Variants in ACLY observed in about 807,000 individuals in gnomAD.
ACLY encodes the protein ATP citrate lyase.
Under a neutral mutation model 133.0 loss-of-function variants are expected in ACLY, and 41 were observed. The ratio of observed to expected loss-of-function variants is 0.31; its 90% CI spans 0.24 to 0.40. The LOEUF is 0.40. Ranked by LOEUF, ACLY falls within the 10% of genes least tolerant of loss-of-function variation. The pLI is 1.00. For missense variants in ACLY, 1,046 were observed against 1,453.8 expected, an observed-to-expected ratio of 0.72 and a Z score of 4.56; for synonymous variants, 495 against 549.3, an observed-to-expected ratio of 0.90 and a Z score of 1.38.
At chr17:41,897,214 G>A (rs782155369) in intron 13 of ACLY, among the ~76,000 whole-genome samples, 3 of 152,048 alleles carry the variant, frequency 2.0e-5, no homozygotes, top group Non-Finnish European at 4.4e-5. Context: ...AGGGCTGGCC[G>A]GCAGGAATCA....
chr17:41,906,420 G>T, intron 8 of ACLY, 108 bp downstream of exon 8: 1 of 947,872 alleles, frequency 1.1e-6, no homozygotes. Context: ...GCTTTCCTCT[G>T]CCCCAAATTC....
rs2049260388 is a variant in ACLY at position 41,893,075 on chromosome 17, G to A, written c.1559C>T (p.Ser520Phe). 1.9e-6 allele frequency: 3 copies of A among 1,614,140 alleles called. No individual in the cohort carries two copies. Among genetic ancestry groups the A allele is most frequent in the East Asian group, 4.5e-5 (2 of 44,878 alleles). ...GGCAGCCACTGAGGGCTCGTCTCGG[G>A]AGCAGACATAGTCAAAGTCCAGCAT... Reference protein sequence around the residue: ...QGMLDFDYVCSRDEPSVAAMV... With the variant: ...QGMLDFDYVCFRDEPSVAAMV... Residue 520 changes from serine (S) to phenylalanine (F), a missense_variant, in exon 15 of 29, where the codon TCC becomes TTC. Physicochemically the swap from Ser to Phe is radical, Grantham distance 155 (BLOSUM62 -2). This residue lies in a region of ACLY where 575 missense variants were observed against 804.2 expected (regional missense o/e 0.71). Coordinates refer to ENST00000352035, the MANE Select transcript of ACLY (RefSeq NM_001096.3).
intron 13 of ACLY, among the ~76,000 whole-genome samples, chr17:41,897,200 T>C (rs1555630583): frequency 6.6e-6 from 1 of 151,970 alleles, no homozygotes; most frequent in East Asian, 1.9e-4. Flanking sequence ...TAGAGCTGGC[T>C]GCAAGGGCTG....
upstream of ACLY, among the ~76,000 whole-genome samples, chr17:41,920,886 C>T (rs1467686561): frequency 2.0e-5 from 3 of 152,080 alleles, no homozygotes; most frequent in Non-Finnish European, 4.4e-5. Context: ...ACAGGTGAAA[C>T]CCTGTTTCTA....
At chr17:41,914,316 C>A (rs2049990174) in intron 1 of ACLY, among the ~76,000 whole-genome samples, 1 of 151,028 alleles carries the variant, frequency 6.6e-6, no homozygotes, top group Admixed American at 6.6e-5. Flanking sequence ...CACTGAAACA[C>A]CTTTCTGTTC....
In ACLY at chr17:41,904,932, GT is replaced by G. The variant is rs369025839; in HGVS notation, c.1004-143del. 125 of 747,336 alleles carry G rather than the reference GT, an allele frequency of 1.7e-4. No individual in the cohort carries two copies. The African/African-American group carries it at 2.0e-3, about 12-fold the overall frequency. The allele number at this position is 747,336 out of a possible 1,614,324, so 46.3% of individuals were successfully genotyped here. ...GAGGTACTGGGGAGTGAGTAGGACAGTCTCTCCAGACATTCCACTTTATCAG... is the reference window on the plus strand; with the variant it reads ...GAGGTACTGGGGAGTGAGTAGGACAGCTCTCCAGACATTCCACTTTATCAG... On this transcript the variant is annotated intron_variant, in intron 9 of 28. Transcript: ENST00000352035.
upstream of ACLY, among the ~76,000 whole-genome samples, chr17:41,922,772 C>A (rs1555635583): frequency 6.6e-6 from 1 of 152,172 alleles, no homozygotes; most frequent in African/African-American, 2.4e-5. Context: ...TGTTGCTAGG[C>A]CTAAGTTTGA....
intron 19 of ACLY, 103 bp from the exon 20 acceptor site, chr17:41,883,335 G>C: frequency 1.1e-6 from 1 of 920,614 alleles, no homozygotes; most frequent in Admixed American, 2.2e-5. Context: ...CCAAATAAAA[G>C]GAGTTTAATT....
intron 25 of ACLY, 106 bp downstream of exon 25, chr17:41,871,583 G>C: frequency 1.4e-6 from 2 of 1,399,570 alleles, no homozygotes; most frequent in Admixed American, 3.6e-5. Flanking sequence ...TCCAACTCCC[G>C]ACCTCAAGTG....
intron 6 of ACLY, 144 bp from the exon 7 acceptor site, chr17:41,907,716 C>A: frequency 1.1e-6 from 1 of 901,232 alleles, no homozygotes; most frequent in South Asian, 1.9e-5. Context: ...CCAGAGAGGC[C>A]CTTATGGAGA....
At position 41,867,664 on chromosome 17, in the gene ACLY, T is replaced by G. The variant is rs1555624143; in HGVS notation, c.*146A>C. On this transcript the variant is annotated 3_prime_UTR_variant, in exon 29 of 29. Transcript: ENST00000352035. ...CTGAAGGGGTGTTAGCCTGTGGATG[T>G]TGGTCTTCGGTGCCTGTACCCCAGT... 3.9e-6 allele frequency: 2 copies of G among 512,434 alleles called. No individual in the cohort carries two copies. The highest frequency in any genetic ancestry group is 6.3e-5 in the East Asian group (2 of 31,646). 31.7% of individuals were successfully genotyped at this position (512,434 alleles called of 1,614,324 possible).
In ACLY at chr17:41,913,749, C is replaced by T. The variant is rs782438003; in HGVS notation, c.125G>A (p.Arg42His). Residue 42 changes from arginine (R) to histidine (H), a missense_variant, in exon 2 of 29, where the codon CGC becomes CAC. Physicochemically the swap from Arg to His is conservative, Grantham distance 29. Transcript: ENST00000352035. ...CAGCCAGGGGTGGTCCTGCAGCAAGCGGGCCCAGTCTGTGTCAGGAGTGAC... is the reference window on the plus strand; with the variant it reads ...CAGCCAGGGGTGGTCCTGCAGCAAGTGGGCCCAGTCTGTGTCAGGAGTGAC... ...ARVTPDTDWA[R>H]LLQDHPWLLS... The T allele has an allele frequency of 9.3e-5, 150 of 1,614,052 alleles. No individual in the cohort carries two copies. The Admixed American group carries it at 1.8e-3, about 20-fold the overall frequency.
intron 8 of ACLY, 115 bp from the exon 9 acceptor site, chr17:41,905,773 G>T: frequency 3.1e-6 from 4 of 1,311,246 alleles, no homozygotes; most frequent in Non-Finnish European, 2.2e-6. Context: ...CTGTGGAACC[G>T]GCCTCTTGGA....
intron 25 of ACLY, 123 bp downstream of exon 25, chr17:41,871,566 G>A (rs926667091): frequency 6.7e-5 from 78 of 1,171,650 alleles, no homozygotes; most frequent in Middle Eastern, 2.8e-4. Flanking sequence ...TGTTGGTCAG[G>A]CTGGTCTCCA....
At chr17:41,892,716 AC>A (rs1188440464) in intron 15 of ACLY, among the ~76,000 whole-genome samples, 5 of 150,986 alleles carry the variant, frequency 3.3e-5, no homozygotes, top group Non-Finnish European at 5.9e-5. Flanking sequence ...TTGCTCTGTC[AC>A]CCGGGCTGGA....
chr17:41,921,295 C>A (rs1324280220), upstream of ACLY, among the ~76,000 whole-genome samples: 2 of 151,722 alleles, frequency 1.3e-5, no homozygotes, highest in South Asian at 4.2e-4. Context: ...GAGACTCCGT[C>A]TCAAAACAAA....
intron 1 of ACLY, among the ~76,000 whole-genome samples, chr17:41,917,836 A>C (rs1431399740): frequency 6.6e-6 from 1 of 152,114 alleles, no homozygotes; most frequent in East Asian, 1.9e-4. Context: ...AAGGTTTCTA[A>C]GAGGTGAAAA....
chr17:41,874,652 C>A (rs1355915753), intron 22 of ACLY, among the ~76,000 whole-genome samples: 2 of 150,766 alleles, frequency 1.3e-5, no homozygotes, highest in Admixed American at 1.3e-4. Flanking sequence ...CAGCTCACTG[C>A]AAGCTCCGCC....
At chr17:41,872,673 T>C (rs1307517536) in intron 23 of ACLY, among the ~76,000 whole-genome samples, 1 of 152,170 alleles carries the variant, frequency 6.6e-6, no homozygotes, top group Non-Finnish European at 1.5e-5. Context: ...GAGTTTTGAA[T>C]CTATTCTTTG....
Sources: gnomAD v4.1 joint callset for allele counts (sites outside exome capture counted in the v4.1 genomes callset) on GRCh38, gnomAD v4.1.1 for gene constraint, gnomAD v4.1.1 regional missense constraint, MANE v1.5 for transcripts, NCBI Gene and HGNC (gene_info 2026-07-23, HGNC 2026-07-21) for gene names.